RNF144A: variants seen among roughly 807,000 people sequenced by gnomAD.
RNF144A encodes the protein ring finger protein 144A.
A neutral mutation model predicts 38.7 loss-of-function variants in RNF144A; 11 were observed. That is an observed-to-expected ratio of 0.28 (90% confidence interval 0.18 to 0.47). The LOEUF (loss-of-function observed/expected upper bound fraction) is 0.47, where lower values mean the gene tolerates loss of function less well. Ranked by LOEUF, RNF144A falls within the 20% of genes least tolerant of loss-of-function variation. The pLI, the probability that RNF144A is intolerant of heterozygous loss-of-function variation, is 0.99. For synonymous variants in RNF144A, 149 were observed against 143.9 expected (o/e 1.04, Z -0.25); for missense variants, 316 against 377.2 (o/e 0.84, Z 1.34).
At chr2:6,956,667 G>A (rs961706737) in intron 2 of RNF144A, among the ~76,000 whole-genome samples, 3 of 152,206 alleles carry the variant, frequency 2.0e-5, no homozygotes, top group Non-Finnish European at 4.4e-5. Flanking sequence ...CAGGTCTGAT[G>A]TTGGGATACC....
At position 7,043,650 on chromosome 2, in the gene RNF144A, G is replaced by C. The variant is rs554035715; in HGVS notation, c.*3890G>C. 7 of 985,704 alleles carry C rather than the reference G, an allele frequency of 7.1e-6. No homozygotes were observed. The highest frequency in any genetic ancestry group is 7.2e-6 in the Non-Finnish European group (6 of 829,926). The allele number at this position is 985,704 out of a possible 1,614,324, so 61.1% of individuals were successfully genotyped here. On this transcript the variant is annotated 3_prime_UTR_variant, in exon 9 of 9. Transcript: ENST00000320892. ...CAAAAACACCAAAAGGAACAAAGGG[G>C]CCTGCGTTAAAACCTAATTGCTAAT...
At chr2:7,051,417 TG>T (rs1400785492) in intron 6 of RNF144A, among the ~76,000 whole-genome samples, 1 of 152,122 alleles carries the variant, frequency 6.6e-6, no homozygotes, top group Non-Finnish European at 1.5e-5. Context: ...AGGTTAAGGT[TG>T]GTGCTGACAC....
chr2:7,034,557 G>A (rs558808281), intron 8 of RNF144A, among the ~76,000 whole-genome samples: 3 of 152,358 alleles, frequency 2.0e-5, no homozygotes, highest in Non-Finnish European at 4.4e-5. Flanking sequence ...CACTGAGCGT[G>A]CTCCCAAGTG....
At chr2:6,998,172 C>CA (rs34548361) in intron 3 of RNF144A, among the ~76,000 whole-genome samples, 22,598 of 145,648 alleles carry the variant, frequency 0.16, 2,686 homozygotes, top group East Asian at 0.64. Context: ...AAACTGTCTT[C>CA]AAAAAAAAAA....
intron 7 of RNF144A, among the ~76,000 whole-genome samples, chr2:7,028,911 C>T (rs1261209754): frequency 6.6e-6 from 1 of 152,200 alleles, no homozygotes; most frequent in Admixed American, 6.5e-5. Context: ...GCACCTGTAA[C>T]AGCCAGGATT....
chr2:7,052,352 A>G (rs557309504), intron 6 of RNF144A, among the ~76,000 whole-genome samples: 1 of 152,308 alleles, frequency 6.6e-6, no homozygotes, highest in South Asian at 2.1e-4. Flanking sequence ...AAGTGCTACA[A>G]ATAAATATTA....
At chr2:7,067,637 G>T (rs1343970670) in intron 6 of RNF144A, among the ~76,000 whole-genome samples, 3 of 152,066 alleles carry the variant, frequency 2.0e-5, no homozygotes, top group Non-Finnish European at 2.9e-5. Context: ...GTGAACAAAA[G>T]GTGACCACAT....
At chr2:6,950,225 C>G (rs745517231) in intron 2 of RNF144A, among the ~76,000 whole-genome samples, 7 of 152,166 alleles carry the variant, frequency 4.6e-5, no homozygotes, top group Non-Finnish European at 1.0e-4. Flanking sequence ...CCCTGAGCTA[C>G]CTACTAATCT....
intron 1 of RNF144A, among the ~76,000 whole-genome samples, chr2:6,938,343 G>A (rs1358216723): frequency 4.0e-5 from 6 of 148,726 alleles, no homozygotes; most frequent in African/African-American, 1.2e-4. Flanking sequence ...TGCCTCCTGC[G>A]TTCAAGCGAT....
At chr2:6,925,636 G>T (rs1664809526) in intron 1 of RNF144A, among the ~76,000 whole-genome samples, 1 of 152,172 alleles carries the variant, frequency 6.6e-6, no homozygotes, top group Non-Finnish European at 1.5e-5. Flanking sequence ...ACAGGTAGAT[G>T]ATTCTCTCTG....
At chr2:6,973,159 C>G (rs1668097963) in intron 2 of RNF144A, among the ~76,000 whole-genome samples, 1 of 152,198 alleles carries the variant, frequency 6.6e-6, no homozygotes, top group South Asian at 2.1e-4. Flanking sequence ...GTAACTGGAG[C>G]TAGTGTTAAG....
intron 6 of RNF144A, among the ~76,000 whole-genome samples, chr2:7,061,281 C>T (rs1337408992): frequency 6.6e-6 from 1 of 152,168 alleles, no homozygotes; most frequent in Non-Finnish European, 1.5e-5. Flanking sequence ...TTTATGTCTC[C>T]GAGTTGGTTT....
chr2:6,994,164 AC>A (rs1669571049), intron 2 of RNF144A, among the ~76,000 whole-genome samples: 1 of 152,132 alleles, frequency 6.6e-6, no homozygotes, highest in Admixed American at 6.5e-5. Context: ...CAGAACTTGT[AC>A]CCAGTGCTTT....
chr2:7,074,782 A>C, the RNF144A span: 1 of 154,004 alleles, frequency 6.5e-6, no homozygotes, highest in Non-Finnish European at 1.5e-5. Context: ...AAAAAAAGGA[A>C]GGAAGGAAGG....
At chr2:7,026,169 C>T (rs1425514787) in intron 7 of RNF144A, among the ~76,000 whole-genome samples, 1 of 152,156 alleles carries the variant, frequency 6.6e-6, no homozygotes. Flanking sequence ...CATATGGTAA[C>T]GGTCTGGAAT....
In RNF144A at chr2:7,001,441, C is replaced by T. The variant is rs199608635; in HGVS notation, c.135+4380C>T. Among the ~76,000 whole-genome samples the T allele has an allele frequency of 3.3e-5, 5 of 152,188 alleles. No homozygotes were observed. The East Asian group carries it at 9.7e-4, about 29-fold the overall frequency. ...CCTGTAATCCCAGCATTTTGGGAGG[C>T]CGAGGTGGGAGGACTGTTTGAGCTC... On this transcript the variant is annotated intron_variant, in intron 3 of 8. Coordinates refer to ENST00000320892, the MANE Select transcript of RNF144A (RefSeq NM_014746.6).
chr2:6,993,058 C>G (rs796524437), intron 2 of RNF144A, among the ~76,000 whole-genome samples: 67 of 152,332 alleles, frequency 4.4e-4, no homozygotes, highest in African/African-American at 1.5e-3. Flanking sequence ...AAGTTCGCAG[C>G]TGTTCGCTGT....
chr2:6,970,293 C>T (rs1426911260), intron 2 of RNF144A, among the ~76,000 whole-genome samples: 1 of 152,164 alleles, frequency 6.6e-6, no homozygotes, highest in African/African-American at 2.4e-5. Flanking sequence ...CAGTGGGTCT[C>T]ATGAGATCTG....
In RNF144A at chr2:6,958,330, C is replaced by T. The variant is rs1189459647; in HGVS notation, c.-12+17183C>T. ...CCGTGCCAGAGACAGAACAGACACA[C>T]GGACAAGGGCAAGCCTTCCTTGCTT... On this transcript the variant is annotated intron_variant, in intron 2 of 8. Coordinates refer to ENST00000320892, the MANE Select transcript of RNF144A (RefSeq NM_014746.6). The surrounding 1 kb of genome is among the most constrained non-coding windows in gnomAD (Gnocchi z 4.5). Among the ~76,000 whole-genome samples the T allele has an allele frequency of 7.2e-5, 11 of 152,226 alleles. No homozygotes were observed. Among genetic ancestry groups the T allele is most frequent in the African/African-American group, 2.2e-4 (9 of 41,454 alleles).
Sources: gnomAD v4.1 joint callset for allele counts (sites outside exome capture counted in the v4.1 genomes callset) on GRCh38, gnomAD v4.1.1 for gene constraint, Gnocchi (gnomAD v3.1) non-coding constraint, MANE v1.5 for transcripts, NCBI Gene and HGNC (gene_info 2026-07-23, HGNC 2026-07-21) for gene names.